ARMC2: variants seen among roughly 807,000 people sequenced by gnomAD.
ARMC2 encodes armadillo repeat-containing protein 2.
A neutral mutation model predicts 90.3 loss-of-function variants in ARMC2; 67 were observed. That is an observed-to-expected ratio of 0.74 (90% CI 0.61 to 0.91). The LOEUF (loss-of-function observed/expected upper bound fraction) is 0.91, where lower values mean the gene tolerates loss of function less well. Among genes scored for constraint, ARMC2 ranks in the 40% least tolerant of loss-of-function variants. The pLI, the probability that ARMC2 is intolerant of heterozygous loss-of-function variation, is 0.00. For synonymous variants in ARMC2, 393 were observed against 393.0 expected, an observed-to-expected ratio of 1.00 and a Z score of 0.00; for missense variants, 920 against 1,030.9, an observed-to-expected ratio of 0.89 and a Z score of 1.47.
chr6:108,993,955 T>C, the ARMC2 span, among the ~76,000 whole-genome samples: 1 of 151,734 alleles, frequency 6.6e-6, no homozygotes, highest in African/African-American at 2.4e-5. Context: ...GTGGGCAATA[T>C]AGCAAGACCC....
chr6:108,892,914 G>A lies in ARMC2; in HGVS notation c.672-1553G>A, dbSNP rs115075855. On this transcript the variant is annotated intron_variant, in intron 5 of 17. Transcript: ENST00000392644. ...TCACTACACAGGAAGGAGAAGCCAC[G>A]GGCACATACAGATGTTCACAGGGAC... Among the ~76,000 whole-genome samples the A allele has an allele frequency of 4.2e-3, 641 of 152,280 alleles. 4 individuals are homozygous for A. The highest frequency in any genetic ancestry group is 0.014 in the African/African-American group (602 of 41,554).
At chr6:108,953,010 ACT>A in intron 12 of ARMC2, 21 bp from the exon 13 acceptor site, 1 of 1,578,022 alleles carries the variant, frequency 6.3e-7, no homozygotes, top group South Asian at 1.2e-5. Flanking sequence ...TGCACTTTTG[ACT>A]CTGTCTTTCG....
At chr6:108,863,770 C>A (rs1014550228) in intron 3 of ARMC2, among the ~76,000 whole-genome samples, 1 of 152,168 alleles carries the variant, frequency 6.6e-6, no homozygotes, top group African/African-American at 2.4e-5. Flanking sequence ...CAGCTTGATA[C>A]ATTTACACAA....
the ARMC2 span, among the ~76,000 whole-genome samples, chr6:109,036,279 T>TA: frequency 3.6e-4 from 55 of 152,358 alleles, no homozygotes; most frequent in East Asian, 8.7e-3. Context: ...CCTATGCAGT[T>TA]AAAATCAGCT....
chr6:109,039,619 T>C, the ARMC2 span, among the ~76,000 whole-genome samples: 1 of 152,238 alleles, frequency 6.6e-6, no homozygotes, highest in East Asian at 1.9e-4. Context: ...CATAGTCCCA[T>C]CACTGGGATT....
the ARMC2 span, among the ~76,000 whole-genome samples, chr6:109,044,485 C>T: frequency 6.6e-6 from 1 of 151,824 alleles, no homozygotes; most frequent in Non-Finnish European, 1.5e-5. Flanking sequence ...ATACCCTTAA[C>T]AAAAAGTAAC....
chr6:109,042,177 T>C, the ARMC2 span, among the ~76,000 whole-genome samples: 1,186 of 152,042 alleles, frequency 7.8e-3, 21 homozygotes, highest in African/African-American at 0.027. Flanking sequence ...AAATACAACA[T>C]ATCAAAATTT....
At chr6:109,009,597 G>A in the ARMC2 span, 44 of 1,045,856 alleles carry the variant, frequency 4.2e-5, no homozygotes, top group Non-Finnish European at 4.0e-5. Context: ...GCGCGGCCCC[G>A]CCCCGCGCCC....
chr6:108,982,650 A>G, the ARMC2 span, among the ~76,000 whole-genome samples: 1 of 152,174 alleles, frequency 6.6e-6, no homozygotes, highest in African/African-American at 2.4e-5. Flanking sequence ...TGGGAGTTTT[A>G]AAAATAGTAG....
chr6:109,039,983 G>A, the ARMC2 span, among the ~76,000 whole-genome samples: 2,252 of 152,318 alleles, frequency 0.015, 44 homozygotes, highest in Non-Finnish European at 0.02. Flanking sequence ...TGTACCAACA[G>A]TCAAATGAAG....
intron 11 of ARMC2, among the ~76,000 whole-genome samples, chr6:108,935,127 A>G (rs941396307): frequency 1.3e-5 from 2 of 152,096 alleles, no homozygotes; most frequent in Admixed American, 6.6e-5. Flanking sequence ...TTGCCTCTTC[A>G]TTGTTAATAT....
chr6:108,990,731 A>T, the ARMC2 span: 3 of 1,614,132 alleles, frequency 1.9e-6, no homozygotes, highest in Non-Finnish European at 2.5e-6. Flanking sequence ...CCATTGTATT[A>T]TAAGTAAGAT....
intron 11 of ARMC2, among the ~76,000 whole-genome samples, chr6:108,934,347 A>G (rs1002847790): frequency 6.6e-6 from 1 of 152,234 alleles, no homozygotes. Flanking sequence ...ATAGTAAATT[A>G]CACTAATAAA....
chr6:108,923,491 T>A (rs150654166), intron 10 of ARMC2, among the ~76,000 whole-genome samples: 2,104 of 150,340 alleles, frequency 0.014, 19 homozygotes, highest in African/African-American at 0.025. Flanking sequence ...GTTCTTGTTT[T>A]CTTTTTTTTA....
At chr6:109,000,568 G>C in the ARMC2 span, 1 of 1,612,284 alleles carries the variant, frequency 6.2e-7, no homozygotes, top group Admixed American at 1.7e-5. Flanking sequence ...TGTAGTTTTT[G>C]AGGAGCATTC....
At chr6:108,937,541 T>TA (rs1229301507) in intron 12 of ARMC2, among the ~76,000 whole-genome samples, 3 of 152,182 alleles carry the variant, frequency 2.0e-5, no homozygotes, top group African/African-American at 7.2e-5. Flanking sequence ...TTGTTATATT[T>TA]AAAAGGTAAC....
At position 108,961,654 on chromosome 6, in the gene ARMC2, G is replaced by A; in HGVS notation, c.1998G>A (p.Lys666=). 1 of 1,611,540 alleles carries A rather than the reference G, an allele frequency of 6.2e-7. No individual in the cohort carries two copies. The highest frequency in any genetic ancestry group is 1.1e-5 in the South Asian group (1 of 90,886). ...TINNLSYYQV[K]NSIIQDKKLY... ...ACAATTTATCTTACTACCAAGTGAA[G>A]AATTCCATAATTCAAGACAAAAAGC... The change falls in exon 14 of 18, where the codon AAG becomes AAA. Residue 666 remains lysine, a synonymous_variant. Transcript: ENST00000392644.
At chr6:108,895,385 G>A (rs1771495016) in intron 6 of ARMC2, among the ~76,000 whole-genome samples, 1 of 150,596 alleles carries the variant, frequency 6.6e-6, no homozygotes, top group East Asian at 2.0e-4. Context: ...TTGGGAGGCT[G>A]AGGCAGCAGA....
At chr6:108,994,671 T>C in the ARMC2 span, 2 of 1,320,712 alleles carry the variant, frequency 1.5e-6, no homozygotes, top group South Asian at 1.4e-5. Flanking sequence ...GAATTATCTT[T>C]TAAGTCTGTC....
Sources: allele counts gnomAD v4.1 joint callset (sites outside exome capture counted in the v4.1 genomes callset), GRCh38; gene constraint gnomAD v4.1.1; transcripts MANE v1.5; gene names NCBI Gene and HGNC (gene_info 2026-07-23, HGNC 2026-07-21).